Variants in NFAT5 observed in about 807,000 individuals in gnomAD.
NFAT5 encodes the protein nuclear factor of activated T cells 5.
NFAT5 carries 31 observed loss-of-function variants against 166.5 expected under a neutral mutation model. The observed-to-expected ratio is 0.19, with a 90% CI of 0.14 to 0.25. The LOEUF is 0.25. Among genes scored for constraint, NFAT5 ranks in the 10% least tolerant of loss-of-function variants. The probability of loss-of-function intolerance (pLI) is 1.00; values close to 1 mark genes in which losing one functional copy is unlikely to be tolerated. For missense variants in NFAT5, 1,449 were observed against 1,821.8 expected (o/e 0.80, Z 3.72); for synonymous variants, 612 against 639.7 (o/e 0.96, Z 0.65).
intron 7 of NFAT5, among the ~76,000 whole-genome samples, chr16:69,660,495 A>G (rs1597490226): frequency 6.6e-6 from 1 of 152,368 alleles, no homozygotes; most frequent in East Asian, 1.9e-4. Context: ...TTTTCTAAGC[A>G]TCTTCACTGT....
intron 11 of NFAT5, among the ~76,000 whole-genome samples, chr16:69,690,054 C>G (rs1210533163): frequency 6.6e-6 from 1 of 152,184 alleles, no homozygotes; most frequent in Non-Finnish European, 1.5e-5. Context: ...TGGCTATGTG[C>G]TCAACTCAGA....
rs2032279416 is a variant in NFAT5 at position 69,588,977 on chromosome 16, CTTCTTT to C, written c.127+20432_127+20437del. Among the ~76,000 whole-genome samples the C allele has an allele frequency of 3.8e-5, 3 of 78,564 alleles. 1 individual carries two copies. The highest frequency in any genetic ancestry group is 1.3e-4 in the African/African-American group (3 of 23,090). The allele number at this position is 78,564 out of a possible 152,430, so 51.5% of individuals were successfully genotyped here. Reference sequence around the variant, plus strand: ...TTGGACCCTCCCTCCTCTTTTCCTACTTCTTTTTTTTTTTTTTTTTTTTTTTTTTTT... The same window carrying C: ...TTGGACCCTCCCTCCTCTTTTCCTACTTTTTTTTTTTTTTTTTTTTTTTTT... On this transcript the variant is annotated intron_variant, in intron 2 of 14. Transcript: ENST00000349945.
chr16:69,567,978 C>T (rs2016173106), intron 1 of NFAT5, among the ~76,000 whole-genome samples: 2 of 152,180 alleles, frequency 1.3e-5, no homozygotes, highest in East Asian at 1.9e-4. Flanking sequence ...GCCTCTTTTG[C>T]GGGGAATATA....
chr16:69,621,244 C>A (rs1260649455), intron 2 of NFAT5, among the ~76,000 whole-genome samples: 1 of 150,390 alleles, frequency 6.6e-6, no homozygotes, highest in African/African-American at 2.5e-5. Context: ...TTCTATTACT[C>A]TCTTCCTTTA....
At position 69,701,732 on chromosome 16, in the gene NFAT5, C is replaced by A. The variant is rs1391282291; in HGVS notation, c.*5381C>A. The A allele has an allele frequency of 6.6e-6, 1 of 152,146 alleles. No individual in the cohort carries two copies. The highest frequency in any genetic ancestry group is 1.9e-4 in the East Asian group (1 of 5,200). The allele number at this position is 152,146 out of a possible 1,614,324, so 9.4% of individuals were successfully genotyped here. ...GAAGAAAGTGTTGAAAGCATTTTCT[C>A]TGATGTTAATTAGATGGAAATAAAT... On this transcript the variant is annotated 3_prime_UTR_variant, in exon 15 of 15. Transcript: ENST00000349945.
intron 2 of NFAT5, among the ~76,000 whole-genome samples, chr16:69,599,787 G>A (rs1259608686): frequency 6.6e-6 from 1 of 152,154 alleles, no homozygotes; most frequent in Admixed American, 6.6e-5. Context: ...GGCTGTGAAA[G>A]TGCTTGGCAT....
chr16:69,648,948 A>G lies in NFAT5; in HGVS notation c.812+1362A>G, dbSNP rs2035561386. ...CTACCCTTTAAGCAATAATTACTCT[A>G]CACCGCTTCTTTACCTCCTTAAGGG... is the stretch of plus-strand genomic sequence containing the variant. On this transcript the variant is annotated intron_variant, in intron 4 of 14. Transcript: ENST00000349945. 5.1e-6 allele frequency: 5 copies of G among 976,986 alleles called. No homozygotes were observed. In the South Asian group the frequency reaches 1.9e-4, roughly 37 times the overall value. 60.5% of individuals were successfully genotyped at this position (976,986 alleles called of 1,614,324 possible). A position where few individuals can be genotyped will look rare whatever the true frequency, so the allele number is the denominator to read the frequency against.
At chr16:69,582,513 C>G (rs1378449441) in intron 2 of NFAT5, among the ~76,000 whole-genome samples, 1 of 150,856 alleles carries the variant, frequency 6.6e-6, no homozygotes, top group African/African-American at 2.4e-5. Context: ...GTATTTGATC[C>G]ATTTTGAGCT....
chr16:69,682,036 T>A (rs893403100), intron 10 of NFAT5, among the ~76,000 whole-genome samples: 1 of 152,058 alleles, frequency 6.6e-6, no homozygotes, highest in Non-Finnish European at 1.5e-5. Context: ...CACACATTCT[T>A]CCAGGTACAG....
chr16:69,585,726 A>G (rs2032015080), intron 2 of NFAT5, among the ~76,000 whole-genome samples: 1 of 152,236 alleles, frequency 6.6e-6, no homozygotes, highest in African/African-American at 2.4e-5. Flanking sequence ...TAAGCCAGAC[A>G]GAAAAGGACA....
intron 2 of NFAT5, among the ~76,000 whole-genome samples, chr16:69,570,046 C>T (rs570354940): frequency 6.6e-6 from 1 of 151,990 alleles, no homozygotes; most frequent in South Asian, 2.1e-4. Flanking sequence ...AGGAGAAAGA[C>T]ATGAAGAAAA....
chr16:69,656,452 A>T (rs76407217), intron 6 of NFAT5, among the ~76,000 whole-genome samples: 39,025 of 151,370 alleles, frequency 0.26, 5,497 homozygotes, highest in East Asian at 0.45. Context: ...TTGCTTTAAA[A>T]ACTTTTTTTT....
chr16:69,591,697 A>G (rs1340671685), intron 2 of NFAT5, among the ~76,000 whole-genome samples: 3 of 152,202 alleles, frequency 2.0e-5, no homozygotes, highest in African/African-American at 7.2e-5. Context: ...GGTGTTCAAG[A>G]TATTTTTAAC....
chr16:69,656,503 G>A (rs924500220), intron 6 of NFAT5, among the ~76,000 whole-genome samples: 5 of 150,568 alleles, frequency 3.3e-5, no homozygotes, highest in African/African-American at 2.4e-5. Context: ...CCAGGCTGGA[G>A]TGCAGTGGTG....
At chr16:69,655,500 T>C in intron 5 of NFAT5, 109 bp from the exon 6 acceptor site, 1 of 818,954 alleles carries the variant, frequency 1.2e-6, no homozygotes. Flanking sequence ...TAAATTTTTT[T>C]AAATGTAATT....
chr16:69,588,615 G>GC (rs547422391), intron 2 of NFAT5, among the ~76,000 whole-genome samples: 6 of 152,208 alleles, frequency 3.9e-5, no homozygotes, highest in African/African-American at 1.4e-4. Flanking sequence ...AGATTGCTAG[G>GC]CTACTTACCA....
chr16:69,661,379 T>C (rs1438265266), intron 7 of NFAT5, among the ~76,000 whole-genome samples: 1 of 139,660 alleles, frequency 7.2e-6, no homozygotes, highest in South Asian at 2.2e-4. Flanking sequence ...TTTACAAAAA[T>C]TAAAAAAAAA....
intron 2 of NFAT5, among the ~76,000 whole-genome samples, chr16:69,597,290 A>G (rs2032851481): frequency 6.6e-6 from 1 of 152,240 alleles, no homozygotes; most frequent in African/African-American, 2.4e-5. Flanking sequence ...GAAGAGAAAA[A>G]GAGTACTGCA....
chr16:69,686,812 G>A (rs1436102933), intron 11 of NFAT5, among the ~76,000 whole-genome samples: 1 of 151,960 alleles, frequency 6.6e-6, no homozygotes, highest in Non-Finnish European at 1.5e-5. Context: ...GCAGTGAGCC[G>A]AGATCATGCC....
Sources: gnomAD v4.1 joint callset for allele counts (sites outside exome capture counted in the v4.1 genomes callset) on GRCh38, gnomAD v4.1.1 for gene constraint, MANE v1.5 for transcripts, NCBI Gene and HGNC (gene_info 2026-07-23, HGNC 2026-07-21) for gene names.